The following FHIP2A variants were observed in gnomAD, a reference collection of about 807,000 sequenced individuals.
The protein encoded by FHIP2A is FHF complex subunit HOOK interacting protein 2A, also known as family with sequence similarity 160 member B1.
FHIP2A carries 46 observed loss-of-function variants against 93.5 expected under a neutral mutation model. The observed-to-expected ratio is 0.49, with a 90% confidence interval of 0.39 to 0.63. FHIP2A has a LOEUF of 0.63. Among genes scored for constraint, FHIP2A ranks in the 20% least tolerant of loss-of-function variants. The pLI, the probability that FHIP2A is intolerant of heterozygous loss-of-function variation, is 0.00. For synonymous variants in FHIP2A, 332 were observed against 326.5 expected (o/e 1.02, Z -0.18); for missense variants, 769 against 909.7 (o/e 0.85, Z 1.99).
rs1189687233 is a variant in FHIP2A at position 114,861,680 on chromosome 10, C to T, written c.*140C>T. The T allele has an allele frequency of 1.1e-5, 15 of 1,427,414 alleles. No homozygotes were observed. The African/African-American group carries it at 1.7e-4, about 16-fold the overall frequency. The allele number at this position is 1,427,414 out of a possible 1,614,324, so 88.4% of individuals were successfully genotyped here. On this transcript the variant is annotated 3_prime_UTR_variant, in exon 17 of 17. Transcript: ENST00000369248. ...GTAAACTGGACAGAACCATTAAGAA[C>T]CTATTGAGTGGACATTCTTGGTGAA...
At chr10:114,876,167 C>T (rs895308738) in intron 16 of FHIP2A, among the ~76,000 whole-genome samples, 7 of 152,186 alleles carry the variant, frequency 4.6e-5, no homozygotes, top group Non-Finnish European at 8.8e-5. Context: ...GTCATGCCTC[C>T]TCTCCCCTCT....
At chr10:114,857,118 C>T (rs995057810) in intron 14 of FHIP2A, among the ~76,000 whole-genome samples, 2 of 150,994 alleles carry the variant, frequency 1.3e-5, no homozygotes, top group Non-Finnish European at 3.0e-5. Context: ...AAAATTAAAA[C>T]ACAAACAAAA....
At position 114,861,745 on chromosome 10, in the gene FHIP2A, G is replaced by T; in HGVS notation, c.*205G>T. On this transcript the variant is annotated 3_prime_UTR_variant, in exon 17 of 17. Transcript: ENST00000369248. ...TGTTTTCATTGGCTTTATCATAATG[G>T]TTCTATATATACAATTGCACATTGT... 1 of 1,324,068 alleles carries T rather than the reference G, an allele frequency of 7.6e-7. No homozygotes were observed. Among genetic ancestry groups the T allele is most frequent in the Non-Finnish European group, 9.7e-7 (1 of 1,035,434 alleles). The allele number at this position is 1,324,068 out of a possible 1,614,324, so 82.0% of individuals were successfully genotyped here.
intron 13 of FHIP2A, among the ~76,000 whole-genome samples, chr10:114,851,877 C>T (rs890020882): frequency 7.2e-5 from 11 of 152,140 alleles, no homozygotes; most frequent in African/African-American, 2.4e-4. Flanking sequence ...TGTTATTCAA[C>T]AGAATTTCAT....
In FHIP2A at chr10:114,862,967, C is replaced by G. The variant is rs574461408; in HGVS notation, c.*1427C>G. 1 of 985,264 alleles carries G rather than the reference C, an allele frequency of 1.0e-6. No individual in the cohort carries two copies. The highest frequency in any genetic ancestry group is 1.7e-5 in the African/African-American group (1 of 57,228). The allele number at this position is 985,264 out of a possible 1,614,324, so 61.0% of individuals were successfully genotyped here. A position where few individuals can be genotyped will look rare whatever the true frequency, so the allele number is the denominator to read the frequency against. Reference sequence around the variant, plus strand: ...GCATAGAGGCTTGTTTTACACCTATCTGCTCATTTTGTTGTGTTAGCTTTT... The same window carrying G: ...GCATAGAGGCTTGTTTTACACCTATGTGCTCATTTTGTTGTGTTAGCTTTT... On this transcript the variant is annotated 3_prime_UTR_variant, in exon 17 of 17. Transcript: ENST00000369248.
intron 1 of FHIP2A, among the ~76,000 whole-genome samples, chr10:114,827,511 G>A (rs776046782): frequency 9.2e-5 from 14 of 152,094 alleles, no homozygotes; most frequent in Non-Finnish European, 1.3e-4. Flanking sequence ...GAGTATCAAG[G>A]CATAGGCCGG....
intron 13 of FHIP2A, among the ~76,000 whole-genome samples, chr10:114,853,926 A>G (rs2083751085): frequency 6.6e-6 from 1 of 152,154 alleles, no homozygotes; most frequent in Admixed American, 6.5e-5. Flanking sequence ...TAAACTAGAG[A>G]AGTCAAAGTA....
At chr10:114,890,534 T>C (rs116481995) in intron 16 of FHIP2A, among the ~76,000 whole-genome samples, 17,179 of 145,226 alleles carry the variant, frequency 0.12, 1,144 homozygotes, top group East Asian at 0.2. Flanking sequence ...ATATATGACA[T>C]ATATAGTATA....
chr10:114,894,194 C>T (rs1430285539), intron 16 of FHIP2A, among the ~76,000 whole-genome samples: 1 of 152,034 alleles, frequency 6.6e-6, no homozygotes, highest in African/African-American at 2.4e-5. Context: ...AGCCAAAGGC[C>T]TCCATTCCAA....
rs116713376 is a variant in FHIP2A at position 114,852,847 on chromosome 10, G to C, written c.1804-2350G>C. 7.6e-3 allele frequency among the ~76,000 whole-genome samples: 1,157 copies of C among 152,186 alleles called. 24 individuals carry two copies. Among genetic ancestry groups the C allele is most frequent in the African/African-American group, 0.026 (1,100 of 41,516 alleles). On this transcript the variant is annotated intron_variant, in intron 13 of 16. Coordinates refer to ENST00000369248, the MANE Select transcript of FHIP2A (RefSeq NM_020940.4). ...ATATTTCTTACTATGACTTTCACTT[G>C]CTATCCAAATATAACATTTACGTGC...
chr10:114,868,211 C>T (rs1592028674), downstream of FHIP2A, among the ~76,000 whole-genome samples: 1 of 152,248 alleles, frequency 6.6e-6, no homozygotes, highest in East Asian at 1.9e-4. Context: ...CAGACCAGTA[C>T]CAGTCCGTGG....
chr10:114,887,508 C>G (rs556237425), intron 16 of FHIP2A, among the ~76,000 whole-genome samples: 2 of 152,280 alleles, frequency 1.3e-5, no homozygotes, highest in Admixed American at 6.5e-5. Flanking sequence ...AAACAATTTG[C>G]CAAAGGTCAC....
At chr10:114,854,559 T>C (rs1229554815) in intron 13 of FHIP2A, among the ~76,000 whole-genome samples, 1 of 152,294 alleles carries the variant, frequency 6.6e-6, no homozygotes, top group East Asian at 1.9e-4. Flanking sequence ...CAAACCCTGA[T>C]TATTTCATAG....
Position 114,847,073 on chromosome 10 carries a change from C to A in FHIP2A, c.1569-17C>A. The A allele has an allele frequency of 6.3e-7, 1 of 1,583,352 alleles. No individual in the cohort carries two copies. Among genetic ancestry groups the A allele is most frequent in the South Asian group, 1.1e-5 (1 of 87,060 alleles). On this transcript the variant is annotated splice_polypyrimidine_tract_variant and intron_variant, in intron 11 of 16. Transcript: ENST00000369248. ...TAATAAAATAGTGCTTTTTATGTGT[C>A]ATTAAATTTAACTTAGAGATCTGGA... is the stretch of plus-strand genomic sequence containing the variant.
chr10:114,856,166 A>T (rs572858697), intron 14 of FHIP2A, among the ~76,000 whole-genome samples: 3 of 152,366 alleles, frequency 2.0e-5, no homozygotes, highest in African/African-American at 4.8e-5. Flanking sequence ...AAAGAAATTT[A>T]CTAAGTAGGC....
intron 1 of FHIP2A, 113 bp downstream of exon 1, chr10:114,822,236 C>T (rs1425379887): frequency 3.4e-6 from 2 of 591,282 alleles, no homozygotes; most frequent in Non-Finnish European, 4.6e-6. Flanking sequence ...GCGGCCCTGT[C>T]CCCGGTTGGG....
rs1177725695 is a variant in FHIP2A at position 114,862,223 on chromosome 10, T to C, written c.*683T>C. ...TGTGCACATAGCCATGTTAGTGATT[T>C]TCTTCATGTGTGGGTCCCAGTTTAT... On this transcript the variant is annotated 3_prime_UTR_variant, in exon 17 of 17. Transcript: ENST00000369248. 1.0e-6 allele frequency: 1 copy of C among 982,170 alleles called. No individual in the cohort carries two copies. The highest frequency in any genetic ancestry group is 1.2e-6 in the Non-Finnish European group (1 of 826,716). 60.8% of individuals were successfully genotyped at this position (982,170 alleles called of 1,614,324 possible).
intron 1 of FHIP2A, among the ~76,000 whole-genome samples, chr10:114,826,939 A>G (rs2143009496): frequency 6.6e-6 from 1 of 152,322 alleles, no homozygotes; most frequent in African/African-American, 2.4e-5. Flanking sequence ...GGTTGCAATG[A>G]GCCGAGATCA....
At chr10:114,857,015 C>T (rs1270163902) in intron 14 of FHIP2A, among the ~76,000 whole-genome samples, 2 of 152,028 alleles carry the variant, frequency 1.3e-5, no homozygotes, top group Admixed American at 1.3e-4. Flanking sequence ...TGCTTGACCC[C>T]AGGAGTTCAA....
Sources: allele counts gnomAD v4.1 joint callset (sites outside exome capture counted in the v4.1 genomes callset), GRCh38; gene constraint gnomAD v4.1.1; transcripts MANE v1.5; gene names NCBI Gene and HGNC (gene_info 2026-07-23, HGNC 2026-07-21).